CNTN3: variants seen among roughly 807,000 people sequenced by gnomAD.
CNTN3 encodes contactin 3, also known as contactin-3.
In CNTN3, 60 loss-of-function variants were observed where a neutral mutation model predicts 119.1. That is an observed-to-expected ratio of 0.50 (90% CI 0.41 to 0.62). The LOEUF (loss-of-function observed/expected upper bound fraction) is 0.62. Ranked by LOEUF, CNTN3 falls within the 20% of genes least tolerant of loss-of-function variation. CNTN3 has a pLI of 0.00. For synonymous variants in CNTN3, 450 were observed against 438.7 expected (o/e 1.03, Z -0.32); for missense variants, 1,101 against 1,242.4 (o/e 0.89, Z 1.71).
At chr3:74,603,358 CCTGGATTGGGCACCACAGTATCCA>C (rs1467025626) in intron 1 of CNTN3, among the ~76,000 whole-genome samples, 1 of 152,030 alleles carries the variant, frequency 6.6e-6, no homozygotes, top group African/African-American at 2.4e-5. Context: ...AAATAGTGGG[CCTGGATTGGGCACCACAGTATCCA>C]CTACAAAACT....
intron 13 of CNTN3, among the ~76,000 whole-genome samples, chr3:74,315,602 G>A (rs544448767): frequency 1.4e-4 from 22 of 152,220 alleles, no homozygotes; most frequent in South Asian, 4.2e-4. Flanking sequence ...CTCTCAGACC[G>A]TAATAGAATT....
intron 1 of CNTN3, among the ~76,000 whole-genome samples, chr3:74,577,845 T>C (rs1177433614): frequency 1.3e-5 from 2 of 152,122 alleles, no homozygotes; most frequent in Admixed American, 1.3e-4. Flanking sequence ...TACTGAAACA[T>C]ATGCAATTTG....
chr3:74,454,104 A>G (rs1305603136), intron 4 of CNTN3, among the ~76,000 whole-genome samples: 5 of 125,706 alleles, frequency 4.0e-5, no homozygotes, highest in South Asian at 3.1e-4. Flanking sequence ...TAATGTTGAC[A>G]GTGGGGTGTT....
chr3:74,572,122 C>G (rs111271700), intron 1 of CNTN3, among the ~76,000 whole-genome samples: 4 of 152,264 alleles, frequency 2.6e-5, no homozygotes, highest in African/African-American at 9.6e-5. Context: ...ATTTAAAAAT[C>G]TGATAATATC....
chr3:74,470,698 A>G (rs906625857), intron 4 of CNTN3, among the ~76,000 whole-genome samples: 2 of 152,188 alleles, frequency 1.3e-5, no homozygotes, highest in Non-Finnish European at 2.9e-5. Flanking sequence ...AGAGGATGTC[A>G]TTAAATCAAT....
intron 5 of CNTN3, among the ~76,000 whole-genome samples, chr3:74,396,361 G>A (rs1017334691): frequency 6.6e-6 from 1 of 152,160 alleles, no homozygotes; most frequent in African/African-American, 2.4e-5. Context: ...TGAATGATAA[G>A]AAAGCAATAC....
intron 1 of CNTN3, among the ~76,000 whole-genome samples, chr3:74,534,636 C>T (rs1703738091): frequency 2.0e-5 from 3 of 152,000 alleles, no homozygotes; most frequent in Admixed American, 1.3e-4. Context: ...GTTAGCACTG[C>T]TTTGTAAAAT....
At chr3:74,333,570 T>C (rs1703319865) in intron 13 of CNTN3, among the ~76,000 whole-genome samples, 1 of 152,292 alleles carries the variant, frequency 6.6e-6, no homozygotes, top group African/African-American at 2.4e-5. Context: ...CTTCTTTTTA[T>C]AAGGACAACA....
chr3:74,362,524 G>A (rs1416455243), intron 10 of CNTN3, among the ~76,000 whole-genome samples: 1 of 152,074 alleles, frequency 6.6e-6, no homozygotes, highest in African/African-American at 2.4e-5. Context: ...TAAATTGTTA[G>A]GTTGAACTTC....
intron 20 of CNTN3, among the ~76,000 whole-genome samples, chr3:74,281,567 C>T (rs1246045366): frequency 6.6e-6 from 1 of 152,058 alleles, no homozygotes; most frequent in Non-Finnish European, 1.5e-5. Flanking sequence ...AGGCTGGTCT[C>T]GAACTCCTGA....
At chr3:74,277,327 C>T (rs1042137799) in intron 20 of CNTN3, among the ~76,000 whole-genome samples, 6 of 152,040 alleles carry the variant, frequency 3.9e-5, no homozygotes, top group Admixed American at 3.3e-4. Context: ...AAGAAAACTA[C>T]AGACCGATAT....
At chr3:74,455,052 C>T (rs1404937723) in intron 4 of CNTN3, among the ~76,000 whole-genome samples, 2 of 152,090 alleles carry the variant, frequency 1.3e-5, no homozygotes, top group Non-Finnish European at 2.9e-5. Context: ...GAATGTTGGC[C>T]TGCCTTGCTA....
intron 4 of CNTN3, among the ~76,000 whole-genome samples, chr3:74,449,079 T>C (rs1261392010): frequency 1.3e-5 from 2 of 152,058 alleles, no homozygotes; most frequent in Non-Finnish European, 1.5e-5. Context: ...TCCTATTTTA[T>C]ATTAATTTCC....
intron 5 of CNTN3, among the ~76,000 whole-genome samples, chr3:74,413,687 G>A (rs928279504): frequency 2.0e-5 from 3 of 152,204 alleles, no homozygotes; most frequent in African/African-American, 7.2e-5. Context: ...TGGGAATAGG[G>A]AAAGGTGATC....
intron 5 of CNTN3, among the ~76,000 whole-genome samples, chr3:74,423,193 A>G (rs1253282736): frequency 6.6e-6 from 1 of 152,222 alleles, no homozygotes; most frequent in Admixed American, 6.5e-5. Flanking sequence ...GGACCCCTAA[A>G]TAGAGTTTGG....
intron 2 of CNTN3, among the ~76,000 whole-genome samples, chr3:74,520,759 CA>C: frequency 6.6e-6 from 1 of 151,386 alleles, no homozygotes; most frequent in South Asian, 2.1e-4. Context: ...AAAAATGTCA[CA>C]AATTAACATG....
chr3:74,523,656 G>A (rs1703575003), intron 1 of CNTN3, among the ~76,000 whole-genome samples: 1 of 151,804 alleles, frequency 6.6e-6, no homozygotes, highest in South Asian at 2.1e-4. Context: ...GGAAAGGAAG[G>A]GGAAACTCTA....
chr3:74,428,828 T>C, intron 4 of CNTN3, among the ~76,000 whole-genome samples: 1 of 152,210 alleles, frequency 6.6e-6, no homozygotes, highest in East Asian at 1.9e-4. Flanking sequence ...GTGTTCAGTA[T>C]AGATATACCG....
chr3:74,336,256 A>T (rs562898446), intron 12 of CNTN3, among the ~76,000 whole-genome samples: 57 of 151,542 alleles, frequency 3.8e-4, no homozygotes, highest in South Asian at 3.6e-3. Context: ...AATTTTATTT[A>T]AAAAAAAATA....
Sources: allele counts gnomAD v4.1 joint callset (sites outside exome capture counted in the v4.1 genomes callset), GRCh38; gene constraint gnomAD v4.1.1; transcripts MANE v1.5; gene names NCBI Gene and HGNC (gene_info 2026-07-23, HGNC 2026-07-21).